Variants in PEAK1 observed in about 807,000 individuals in gnomAD.
PEAK1 encodes pseudopodium enriched atypical kinase 1.
Under a neutral mutation model 124.7 loss-of-function variants are expected in PEAK1, and 54 were observed. The observed-to-expected ratio is 0.43, with a 90% CI of 0.35 to 0.54. The LOEUF is 0.54. PEAK1 is among the 20% of genes least tolerant of loss of function. PEAK1 has a pLI of 0.01. For missense variants in PEAK1, 2,046 were observed against 2,134.5 expected (o/e 0.96, Z 0.82); for synonymous variants, 719 against 760.0 (o/e 0.95, Z 0.89).
chr15:77,271,004 T>C (rs1464063561), intron 5 of PEAK1, among the ~76,000 whole-genome samples: 1 of 152,028 alleles, frequency 6.6e-6, no homozygotes, highest in Non-Finnish European at 1.5e-5. Context: ...ACCTACAGAA[T>C]GGGAGAAAAT....
At chr15:77,297,757 C>CAAA (rs370114659) in intron 2 of PEAK1, among the ~76,000 whole-genome samples, 2,002 of 85,222 alleles carry the variant, frequency 0.023, 87 homozygotes, top group African/African-American at 0.066. Context: ...GATTTTGCCT[C>CAAA]AAAAAAAAAA....
At chr15:77,333,007 T>G (rs2065985896) in intron 2 of PEAK1, 1 of 920,308 alleles carries the variant, frequency 1.1e-6, no homozygotes, top group African/African-American at 1.8e-5. Flanking sequence ...CATTTCTTAT[T>G]GACTTATAAG....
At chr15:77,197,349 T>C (rs1426979018) in intron 6 of PEAK1, among the ~76,000 whole-genome samples, 2 of 152,198 alleles carry the variant, frequency 1.3e-5, no homozygotes, top group Non-Finnish European at 2.9e-5. Context: ...CCTTGGGATC[T>C]TGCCTAAAAA....
In PEAK1 at chr15:77,232,333, AC is replaced by A. The variant is rs2059942390; in HGVS notation, c.-115+20033del. Reference sequence around the variant, plus strand: ...TCAGGAAACACACACACACACACACACACACTGTGCCAACTGTGCTCACTTA... The same window carrying A: ...TCAGGAAACACACACACACACACACAACACTGTGCCAACTGTGCTCACTTA... On this transcript the variant is annotated intron_variant, in intron 6 of 9. Coordinates refer to ENST00000682557, the MANE Select transcript of PEAK1 (RefSeq NM_001385026.1). Among the ~76,000 whole-genome samples, 9 of 152,216 alleles carry A rather than the reference AC, an allele frequency of 5.9e-5. No homozygotes were observed. In the South Asian group the frequency reaches 1.9e-3, roughly 32 times the overall value.
At chr15:77,166,604 T>C (rs143056051) in intron 7 of PEAK1, among the ~76,000 whole-genome samples, 1 of 152,340 alleles carries the variant, frequency 6.6e-6, no homozygotes, top group East Asian at 1.9e-4. Flanking sequence ...TCACAACAAC[T>C]TACTAGGCAG....
rs113415396 is a variant in PEAK1, at chr15:77,193,578, TGGCTCACTTGA to T, written c.-114-11549_-114-11539del. ...TAAAAAGACTGTCAACCAGGTGTGG[TGGCTCACTTGA>T]GGTCAGGAGTTCGAGACCAGCCTGG... is the stretch of plus-strand genomic sequence containing the variant. On this transcript the variant is annotated intron_variant, in intron 6 of 9. Transcript: ENST00000682557. 6.4e-4 allele frequency among the ~76,000 whole-genome samples: 97 copies of T among 152,294 alleles called. 2 individuals carry two copies. The highest frequency in any genetic ancestry group is 2.3e-3 in the African/African-American group (94 of 41,566).
In PEAK1 at chr15:77,114,490, C is replaced by G. The variant is rs200619883; in HGVS notation, c.4907G>C (p.Arg1636Pro). 6.2e-7 allele frequency: 1 copy of G among 1,613,982 alleles called. No homozygotes were observed. Residue 1636 changes from arginine (R) to proline (P), a missense_variant, in exon 10 of 10, where the codon CGG becomes CCG. By Grantham distance (103) the Arg-to-Pro change is moderately radical (BLOSUM62 -2). Transcript: ENST00000682557. ...PRIPFRSPYS[R>P]GLQQLASCLL... ...GCAGCTGGCCAGCTGCTGCAGACCCCGGGAGTAGGGGGAGCGGAATGGGAT... is the reference window on the plus strand; with the variant it reads ...GCAGCTGGCCAGCTGCTGCAGACCCGGGGAGTAGGGGGAGCGGAATGGGAT...
At chr15:77,106,839 C>G (rs1294280968), downstream of PEAK1, 1 of 152,208 alleles carries the variant, frequency 6.6e-6, no homozygotes, top group Non-Finnish European at 1.5e-5. Flanking sequence ...CTTGTTTAAT[C>G]CTAAACAGGT....
intron 1 of PEAK1, chr15:77,418,900 C>T (rs1359171879): frequency 1.0e-6 from 1 of 985,256 alleles, no homozygotes; most frequent in Non-Finnish European, 1.2e-6. Flanking sequence ...AAGGCAATCC[C>T]AATTCAGGTG....
chr15:77,301,530 A>G (rs1046965460), intron 2 of PEAK1, among the ~76,000 whole-genome samples: 1 of 152,202 alleles, frequency 6.6e-6, no homozygotes, highest in African/African-American at 2.4e-5. Context: ...ATTACTGGTC[A>G]TATGTTTTGC....
At chr15:77,333,355 T>A in intron 2 of PEAK1, 1 of 983,478 alleles carries the variant, frequency 1.0e-6, no homozygotes, top group Non-Finnish European at 1.2e-6. Context: ...ACAACCAACA[T>A]GCTATCAAGT....
intron 1 of PEAK1, chr15:77,419,639 CT>C (rs2073204124): frequency 1.0e-6 from 1 of 985,134 alleles, no homozygotes; most frequent in Middle Eastern, 5.2e-4. Context: ...CCAGGCTTCA[CT>C]TTCCCCCGCA....
rs143678657 is a variant in PEAK1 at position 77,330,804 on chromosome 15, A to G, written c.-603+34359T>C. ...CCCTACTCTGTTATATTTTTCTCCA[A>G]TTATCACCAACTGACAAATTATTTG... On this transcript the variant is annotated intron_variant, in intron 2 of 9. Coordinates refer to ENST00000682557, the MANE Select transcript of PEAK1 (RefSeq NM_001385026.1). 1.4e-3 allele frequency: 221 copies of G among 155,516 alleles called. 1 individual carries two copies. The highest frequency in any genetic ancestry group is 2.6e-3 in the Non-Finnish European group (183 of 71,104). 9.6% of individuals were successfully genotyped at this position (155,516 alleles called of 1,614,324 possible). A position where few individuals can be genotyped will look rare whatever the true frequency, so the allele number is the denominator to read the frequency against.
chr15:77,402,617 T>A (rs781353812), intron 1 of PEAK1: 16 of 984,380 alleles, frequency 1.6e-5, no homozygotes, highest in South Asian at 4.7e-5. Context: ...AGGTACAAAG[T>A]GGGGGCATAT....
At chr15:77,350,454 T>C in intron 2 of PEAK1, 4 of 985,388 alleles carry the variant, frequency 4.1e-6, no homozygotes, top group Non-Finnish European at 4.8e-6. Context: ...TGAATTAAGA[T>C]AGTGTATATA....
chr15:77,167,697 T>G (rs1192364986), intron 7 of PEAK1, among the ~76,000 whole-genome samples: 1 of 152,226 alleles, frequency 6.6e-6, no homozygotes, highest in South Asian at 2.1e-4. Context: ...AAGACAACTT[T>G]GATAGGATTC....
At chr15:77,121,116 T>C (rs944035371) in intron 9 of PEAK1, among the ~76,000 whole-genome samples, 2 of 152,126 alleles carry the variant, frequency 1.3e-5, no homozygotes, top group African/African-American at 2.4e-5. Flanking sequence ...GGGGTACATG[T>C]GCAGGTTTGC....
chr15:77,314,268 T>G (rs1038559321), intron 2 of PEAK1, among the ~76,000 whole-genome samples: 3 of 151,800 alleles, frequency 2.0e-5, no homozygotes, highest in African/African-American at 4.8e-5. Context: ...CAAATCCTGT[T>G]CCAATGAAAA....
chr15:77,328,467 A>C (rs1567266096), intron 2 of PEAK1, among the ~76,000 whole-genome samples: 1 of 152,198 alleles, frequency 6.6e-6, no homozygotes, highest in Non-Finnish European at 1.5e-5. Flanking sequence ...ACTGTAATAA[A>C]ATTACCAAAG....
Sources: gnomAD v4.1 joint callset for allele counts (sites outside exome capture counted in the v4.1 genomes callset) on GRCh38, gnomAD v4.1.1 for gene constraint, MANE v1.5 for transcripts, NCBI Gene and HGNC (gene_info 2026-07-23, HGNC 2026-07-21) for gene names.